The following PLA2G4D variants were observed in gnomAD, a reference collection of about 807,000 sequenced individuals.
PLA2G4D encodes cytosolic phospholipase A2 delta.
Under a neutral mutation model 94.4 loss-of-function variants are expected in PLA2G4D, and 80 were observed. The ratio of observed to expected loss-of-function variants is 0.85; its 90% CI spans 0.71 to 1.02. PLA2G4D has a LOEUF of 1.02. Among genes scored for constraint, PLA2G4D ranks in the 50% least tolerant of loss-of-function variants. The pLI is 0.00. For missense variants in PLA2G4D, 1,050 were observed against 1,034.7 expected, an observed-to-expected ratio of 1.01 and a Z score of -0.20; for synonymous variants, 438 against 440.9, an observed-to-expected ratio of 0.99 and a Z score of 0.08.
At position 42,071,906 on chromosome 15, in the gene PLA2G4D, C is replaced by A; in HGVS notation, c.1441G>T (p.Val481Phe). 1.2e-6 allele frequency: 2 copies of A among 1,614,102 alleles called. No homozygotes were observed. Among genetic ancestry groups the A allele is most frequent in the East Asian group, 2.2e-5 (1 of 44,878 alleles). The change falls in exon 15 of 20, where the codon GTT becomes TTT. Residue 481 changes from valine to phenylalanine, a missense_variant. Coordinates refer to ENST00000290472, the MANE Select transcript of PLA2G4D (RefSeq NM_178034.4). ...CCGACCTCATAGGGGGAGAACTCAA[C>A]CCACTCTAATGGGGTGGGAAGGAGA... ...NLETLDFKEW[V>F]EFSPYEVGFL...
chr15:42,087,388 C>G lies in PLA2G4D; in HGVS notation c.167G>C (p.Gly56Ala). 1.2e-6 allele frequency: 2 copies of G among 1,614,196 alleles called. No homozygotes were observed. The highest frequency in any genetic ancestry group is 1.7e-6 in the Non-Finnish European group (2 of 1,180,022). The change falls in exon 3 of 20, where the codon GGA (glycine) becomes GCA (alanine). Residue 56 changes from glycine (G) to alanine (A), a missense_variant. Physicochemically the swap from Gly to Ala is moderately conservative, Grantham distance 60. Coordinates refer to ENST00000290472, the MANE Select transcript of PLA2G4D (RefSeq NM_178034.4). ...GAGCGTCTTGGTCTTAAACTTCATT[C>G]CAGGTGCGGTCGACAGCTGTAGGAT... is the stretch of plus-strand genomic sequence containing the variant. ...YVILQLSTAPGMKFKTKTLTD... is the reference protein window; with the variant it reads ...YVILQLSTAPAMKFKTKTLTD...
rs757834012 is a variant in PLA2G4D at position 42,070,739 on chromosome 15, T to TA, written c.2020dup (p.Tyr674LeufsTer113). 1.3e-5 allele frequency: 20 copies of TA among 1,563,574 alleles called. 2 individuals are homozygous for TA. The South Asian group carries it at 2.1e-4, about 17-fold the overall frequency. The stretch of plus-strand genomic sequence containing the variant: ...TACCTCGAAGGGCGCAGATAGGGAG[T>TA]AGTCGAAGGAGAGGATGAGGTCCAG... On this transcript the variant is annotated frameshift_variant, in exon 18 of 20. Transcript: ENST00000290472. LOFTEE classifies it high-confidence loss of function.
chr15:42,085,427 G>T, intron 5 of PLA2G4D, 64 bp downstream of exon 5: 2 of 1,570,288 alleles, frequency 1.3e-6, no homozygotes, highest in Non-Finnish European at 1.8e-6. Flanking sequence ...GGAGATCTGG[G>T]TCAGGGCCAT....
chr15:42,082,814 C>T (rs1346604788), intron 8 of PLA2G4D, among the ~76,000 whole-genome samples: 1 of 152,074 alleles, frequency 6.6e-6, no homozygotes, highest in East Asian at 1.9e-4. Context: ...GACAGGAGAG[C>T]ACTTGGCATA....
intron 9 of PLA2G4D, 94 bp downstream of exon 9, chr15:42,082,185 G>A (rs1890050986): frequency 2.6e-5 from 28 of 1,072,226 alleles, no homozygotes; most frequent in Non-Finnish European, 3.5e-5. Context: ...GCCTGCCTTG[G>A]CCTCCCAAAG....
chr15:42,086,194 T>TTGGGGGGGGCGGG lies in PLA2G4D; in HGVS notation c.387+18_387+19insCCCGCCCCCCCCA. 2 of 1,370,444 alleles carry TTGGGGGGGGCGGG rather than the reference T, an allele frequency of 1.5e-6. No individual in the cohort carries two copies. Among genetic ancestry groups the TTGGGGGGGGCGGG allele is most frequent in the Non-Finnish European group, 1.9e-6 (2 of 1,043,084 alleles). The allele number at this position is 1,370,444 out of a possible 1,614,324, so 84.9% of individuals were successfully genotyped here. On this transcript the variant is annotated intron_variant, in intron 4 of 19. Transcript: ENST00000290472. ...GGAAGAAGTGGGGCCCACGGGGACT[T>TTGGGGGGGGCGGG]CCCCACCCACCCACCCACCTGGGGA... is the stretch of plus-strand genomic sequence containing the variant.
rs1336901570 is a variant in PLA2G4D at position 42,070,743 on chromosome 15, C to T, written c.2017G>A (p.Asp673Asn). 1.6e-5 allele frequency: 25 copies of T among 1,567,636 alleles called. No individual in the cohort carries two copies. The highest frequency in any genetic ancestry group is 4.1e-5 in the African/African-American group (3 of 73,972). The change falls in exon 18 of 20, where the codon GAC (aspartate) becomes AAC (asparagine). Residue 673 changes from aspartate (D) to asparagine (N), a missense_variant. Transcript: ENST00000290472. ...GRRLDLILSF[D>N]YSLSAPFEAL... ...TCGAAGGGCGCAGATAGGGAGTAGT[C>T]GAAGGAGAGGATGAGGTCCAGCCTG...
chr15:42,087,173 G>T, intron 3 of PLA2G4D, 127 bp downstream of exon 3: 1 of 1,246,448 alleles, frequency 8.0e-7, no homozygotes, highest in South Asian at 1.4e-5. Flanking sequence ...ACAGGCCAGG[G>T]CACAGAGACC....
chr15:42,087,527 A>C (rs1595598722), intron 2 of PLA2G4D, 91 bp from the exon 3 acceptor site: 1 of 1,602,622 alleles, frequency 6.2e-7, no homozygotes, highest in Non-Finnish European at 8.5e-7. Flanking sequence ...CCTGGCGGTC[A>C]CCGCAGGTGA....
intron 6 of PLA2G4D, 60 bp from the exon 7 acceptor site, chr15:42,083,839 C>T (rs1046889787): frequency 1.9e-6 from 3 of 1,555,948 alleles, no homozygotes; most frequent in African/African-American, 1.4e-5. Context: ...TCCCCTTAAC[C>T]TCAACCCTCT....
intron 1 of PLA2G4D, among the ~76,000 whole-genome samples, chr15:42,090,802 T>C (rs990884087): frequency 2.0e-5 from 3 of 152,150 alleles, no homozygotes; most frequent in Non-Finnish European, 2.9e-5. Context: ...GCCAGGGAGA[T>C]GAGTTGACAA....
intron 3 of PLA2G4D, 96 bp from the exon 4 acceptor site, chr15:42,086,440 G>A: frequency 3.2e-6 from 4 of 1,246,862 alleles, no homozygotes; most frequent in Non-Finnish European, 4.6e-6. Flanking sequence ...AGTCAGAGAA[G>A]ATCATTATGC....
rs1222811106 is a variant in PLA2G4D, at chr15:42,067,313, A to T, written c.*1402T>A. 1 of 152,258 alleles carries T rather than the reference A, an allele frequency of 6.6e-6. No individual in the cohort carries two copies. The highest frequency in any genetic ancestry group is 2.4e-5 in the African/African-American group (1 of 41,410). 9.4% of individuals were successfully genotyped at this position (152,258 alleles called of 1,614,324 possible). Reference sequence around the variant, plus strand: ...CACTTTGGGAGGCTGAGGCAGGAGGATTGCTTGAGTTCAGGAGTTCAAGAC... The same window carrying T: ...CACTTTGGGAGGCTGAGGCAGGAGGTTTGCTTGAGTTCAGGAGTTCAAGAC... On this transcript the variant is annotated 3_prime_UTR_variant, in exon 20 of 20. Coordinates refer to ENST00000290472, the MANE Select transcript of PLA2G4D (RefSeq NM_178034.4).
chr15:42,068,728 C>G lies in PLA2G4D; in HGVS notation c.2444G>C (p.Arg815Thr), dbSNP rs373566512. 1.7e-5 allele frequency: 27 copies of G among 1,606,490 alleles called. No individual in the cohort carries two copies. In the African/African-American group the frequency reaches 3.3e-4, roughly 20 times the overall value. The part of the protein sequence containing the change: ...KHRTLEARPP[R>T]AQT ...CTCTGAGCAACCTCAGGTCTGTGCC[C>G]TTGGAGGCCTCGCCTCTAGAGTCCG... The change falls in exon 20 of 20, where the codon AGG (arginine) becomes ACG (threonine). Residue 815 changes from arginine (R) to threonine (T), a missense_variant. By Grantham distance (71) the Arg-to-Thr change is moderately conservative (BLOSUM62 -1). Transcript: ENST00000290472.
Position 42,072,359 on chromosome 15 carries a change from C to T in PLA2G4D, c.1351G>A (p.Ala451Thr), listed in dbSNP as rs148579768. Residue 451 changes from alanine (A) to threonine (T), a missense_variant, in exon 14 of 20, where the codon GCC (alanine) becomes ACC (threonine). Physicochemically the swap from Ala to Thr is moderately conservative, Grantham distance 58 (BLOSUM62 0). Transcript: ENST00000290472. ...AGAGGGTTCTGACCCCGTTCCAGGG[C>T]GGCTCTCTGTCCTGACAGCTTCTGA... ...MDQKLSGQRA[A>T]LERGQNPLPL... 3.3e-5 allele frequency: 53 copies of T among 1,613,286 alleles called. No homozygotes were observed. The highest frequency in any genetic ancestry group is 9.3e-5 in the African/African-American group (7 of 74,880).
chr15:42,087,272 G>A, intron 3 of PLA2G4D, 28 bp downstream of exon 3: 1 of 1,613,752 alleles, frequency 6.2e-7, no homozygotes, highest in Non-Finnish European at 8.5e-7. Context: ...CGTTCACAAG[G>A]GAGTGGCCAG....
intron 17 of PLA2G4D, 35 bp from the exon 18 acceptor site, chr15:42,070,918 C>A (rs1484919339): frequency 2.5e-6 from 4 of 1,594,842 alleles, no homozygotes; most frequent in Non-Finnish European, 3.4e-6. Flanking sequence ...GAGGCCACCA[C>A]CCTGCCACAG....
intron 13 of PLA2G4D, among the ~76,000 whole-genome samples, chr15:42,078,125 A>ATG (rs1245339010): frequency 2.6e-4 from 40 of 152,250 alleles, no homozygotes; most frequent in Non-Finnish European, 1.3e-4. Context: ...CACACTGCTG[A>ATG]TGGGTGGCCC....
rs1351917836 is a variant in PLA2G4D, at chr15:42,086,222, C to G, written c.378G>C (p.Gln126His). ...CCACCCACCCACCCACCTGGGGACT[C>G]TGGGAGAAGGTTTTCCGGAGCAGCT... ...PGKLLRKTFS[Q>H]SPQGEEELDV... The change falls in exon 4 of 20, where the codon CAG (glutamine) becomes CAC (histidine). Residue 126 changes from glutamine to histidine, a missense_variant. Coordinates refer to ENST00000290472, the MANE Select transcript of PLA2G4D (RefSeq NM_178034.4). 1.3e-6 allele frequency: 2 copies of G among 1,548,286 alleles called. No homozygotes were observed. The highest frequency in any genetic ancestry group is 3.8e-5 in the Admixed American group (2 of 53,264).
Sources: gnomAD v4.1 joint callset for allele counts (sites outside exome capture counted in the v4.1 genomes callset) on GRCh38, gnomAD v4.1.1 for gene constraint, MANE v1.5 for transcripts, NCBI Gene and HGNC (gene_info 2026-07-23, HGNC 2026-07-21) for gene names.